The following SLIT3 variants were observed in gnomAD, a reference collection of about 807,000 sequenced individuals.
The protein encoded by SLIT3 is slit guidance ligand 3, also known as slit homolog 3 protein.
SLIT3 carries 68 observed loss-of-function variants against 184.0 expected under a neutral mutation model. The ratio of observed to expected loss-of-function variants is 0.37; its 90% confidence interval spans 0.30 to 0.45. SLIT3 has a LOEUF of 0.45. Among genes scored for constraint, SLIT3 ranks in the 20% least tolerant of loss-of-function variants. The pLI is 1.00. For synonymous variants in SLIT3, 831 were observed against 828.6 expected (o/e 1.00, Z -0.05); for missense variants, 1,707 against 2,026.0 (o/e 0.84, Z 3.02).
intron 4 of SLIT3, among the ~76,000 whole-genome samples, chr5:168,951,483 C>T (rs1762650194): frequency 6.6e-6 from 1 of 152,034 alleles, no homozygotes; most frequent in African/African-American, 2.4e-5. Context: ...AAGAGACTAG[C>T]ACCAGTGTTT....
At chr5:169,237,221 T>C (rs1003399070) in intron 3 of SLIT3, among the ~76,000 whole-genome samples, 4 of 152,130 alleles carry the variant, frequency 2.6e-5, no homozygotes, top group African/African-American at 9.7e-5. Flanking sequence ...CATCCCGGGA[T>C]ACCCCACTCT....
At chr5:168,963,519 A>T (rs1280397628) in intron 4 of SLIT3, among the ~76,000 whole-genome samples, 1 of 152,230 alleles carries the variant, frequency 6.6e-6, no homozygotes, top group Non-Finnish European at 1.5e-5. Flanking sequence ...TCACCACACA[A>T]GGCAAAGGTG....
At chr5:168,774,137 A>T (rs1755657385) in intron 13 of SLIT3, 98 bp downstream of exon 13, 1 of 1,199,730 alleles carries the variant, frequency 8.3e-7, no homozygotes, top group Non-Finnish European at 1.2e-6. Flanking sequence ...CTCCTCCTGG[A>T]TGTGCTCGTG....
intron 4 of SLIT3, among the ~76,000 whole-genome samples, chr5:169,052,632 C>T (rs1757856499): frequency 1.3e-5 from 2 of 152,188 alleles, no homozygotes. Flanking sequence ...GCCTGTCTGT[C>T]AACAATGTGT....
intron 5 of SLIT3, among the ~76,000 whole-genome samples, chr5:168,852,572 G>C: frequency 6.6e-6 from 1 of 152,210 alleles, no homozygotes; most frequent in East Asian, 1.9e-4. Flanking sequence ...CCCTGACAGT[G>C]CACTGAAACC....
chr5:169,169,455 G>A (rs1762750678), intron 4 of SLIT3, among the ~76,000 whole-genome samples: 1 of 152,164 alleles, frequency 6.6e-6, no homozygotes, highest in Non-Finnish European at 1.5e-5. Context: ...AATGGAATCA[G>A]GTTTCAATAA....
intron 4 of SLIT3, among the ~76,000 whole-genome samples, chr5:169,192,555 T>G (rs1248989644): frequency 6.6e-6 from 1 of 152,114 alleles, no homozygotes; most frequent in Non-Finnish European, 1.5e-5. Context: ...AGAGCCTATA[T>G]GCAGTGTTTG....
In SLIT3 at chr5:168,724,607, C is replaced by T. The variant is rs142018238; in HGVS notation, c.2271-123G>A. 1,604 of 536,776 alleles carry T rather than the reference C, an allele frequency of 3.0e-3. 81 individuals carry two copies. In the East Asian group the frequency reaches 0.047, roughly 16 times the overall value. 33.3% of individuals were successfully genotyped at this position (536,776 alleles called of 1,614,324 possible). A position where few individuals can be genotyped will look rare whatever the true frequency, so the allele number is the denominator to read the frequency against. On this transcript the variant is annotated intron_variant, in intron 20 of 35. Coordinates refer to ENST00000519560, the MANE Select transcript of SLIT3 (RefSeq NM_003062.4). ...TCCCTCTTTTACTCTTAGAGCCTCC[C>T]TCCCCAACTTCAAAGCATTACTATA...
chr5:169,162,192 GAC>G (rs1762502577), intron 4 of SLIT3, among the ~76,000 whole-genome samples: 1 of 152,168 alleles, frequency 6.6e-6, no homozygotes, highest in South Asian at 2.1e-4. Flanking sequence ...TTCCCAGTAT[GAC>G]AGTCATCCTC....
At chr5:168,713,138 T>C (rs969179192) in intron 23 of SLIT3, among the ~76,000 whole-genome samples, 9 of 152,284 alleles carry the variant, frequency 5.9e-5, no homozygotes, top group Admixed American at 5.9e-4. Context: ...AGCCGAACAC[T>C]CATTGTTATG....
intron 2 of SLIT3, among the ~76,000 whole-genome samples, chr5:169,246,542 A>C (rs1282631026): frequency 1.3e-5 from 2 of 152,240 alleles, no homozygotes. Flanking sequence ...CAGAGAAAAT[A>C]AAACACTGCA....
At chr5:168,677,938 C>T (rs957199187) in intron 32 of SLIT3, among the ~76,000 whole-genome samples, 1 of 152,174 alleles carries the variant, frequency 6.6e-6, no homozygotes, top group Non-Finnish European at 1.5e-5. Context: ...TACAGCCACC[C>T]AGGGCTTTGA....
intron 4 of SLIT3, among the ~76,000 whole-genome samples, chr5:169,141,785 C>G (rs1761750422): frequency 6.7e-6 from 1 of 149,230 alleles, no homozygotes; most frequent in Admixed American, 6.7e-5. Flanking sequence ...AGAGCGGTGG[C>G]TCATGCCTGT....
intron 1 of SLIT3, among the ~76,000 whole-genome samples, chr5:169,283,865 G>T (rs12522243): frequency 1.3e-5 from 2 of 152,094 alleles, no homozygotes; most frequent in Admixed American, 1.3e-4. Context: ...TCTTTTATCC[G>T]ATTATTTAGA....
chr5:169,182,337 G>A (rs1763190291), intron 4 of SLIT3, among the ~76,000 whole-genome samples: 2 of 152,220 alleles, frequency 1.3e-5, no homozygotes, highest in African/African-American at 4.8e-5. Flanking sequence ...ACAGTGCTGT[G>A]TTATCATAGC....
chr5:169,207,009 A>C (rs527323523), intron 3 of SLIT3, among the ~76,000 whole-genome samples: 1 of 149,826 alleles, frequency 6.7e-6, no homozygotes, highest in Non-Finnish European at 1.5e-5. Flanking sequence ...TTCAGATTGC[A>C]TTGTCACTTC....
At chr5:168,796,139 A>G (rs542447301) in intron 9 of SLIT3, among the ~76,000 whole-genome samples, 2 of 152,278 alleles carry the variant, frequency 1.3e-5, no homozygotes, top group East Asian at 3.9e-4. Flanking sequence ...ACATTCATCA[A>G]ACTGGCTCCC....
intron 4 of SLIT3, among the ~76,000 whole-genome samples, chr5:168,893,082 T>C (rs1445809582): frequency 1.3e-5 from 2 of 152,230 alleles, no homozygotes; most frequent in African/African-American, 4.8e-5. Context: ...CTTCACATTG[T>C]GTGCAGAAAT....
chr5:169,158,436 A>G (rs375505201), intron 4 of SLIT3, among the ~76,000 whole-genome samples: 1 of 152,192 alleles, frequency 6.6e-6, no homozygotes, highest in East Asian at 1.9e-4. Context: ...GGAAACTAAG[A>G]AAATTTGTCA....
Sources: gnomAD v4.1 joint callset for allele counts (sites outside exome capture counted in the v4.1 genomes callset) on GRCh38, gnomAD v4.1.1 for gene constraint, MANE v1.5 for transcripts, NCBI Gene and HGNC (gene_info 2026-07-23, HGNC 2026-07-21) for gene names.